The following CDH12 variants were observed in gnomAD, a reference collection of about 807,000 sequenced individuals.
CDH12 encodes the protein cadherin-12.
A neutral mutation model predicts 74.1 loss-of-function variants in CDH12; 41 were observed. The observed-to-expected ratio is 0.55, with a 90% CI of 0.43 to 0.72. The LOEUF (loss-of-function observed/expected upper bound fraction) is 0.72. Among genes scored for constraint, CDH12 ranks in the 30% least tolerant of loss-of-function variants. The pLI is 0.00. For synonymous variants in CDH12, 399 were observed against 355.0 expected (o/e 1.12, Z -1.39); for missense variants, 945 against 977.2 (o/e 0.97, Z 0.44).
intron 5 of CDH12, among the ~76,000 whole-genome samples, chr5:22,043,999 A>G (rs1050414462): frequency 3.9e-5 from 6 of 152,154 alleles, no homozygotes; most frequent in African/African-American, 1.4e-4. Context: ...TATTGTTAAA[A>G]TATCTACACT....
chr5:22,252,821 C>T (rs927428513), intron 3 of CDH12, among the ~76,000 whole-genome samples: 32 of 151,924 alleles, frequency 2.1e-4, no homozygotes, highest in African/African-American at 7.0e-4. Context: ...CTTCTATGTC[C>T]AGGAATTTTT....
At chr5:21,914,363 C>G (rs1753995223) in intron 6 of CDH12, among the ~76,000 whole-genome samples, 1 of 152,114 alleles carries the variant, frequency 6.6e-6, no homozygotes, top group Non-Finnish European at 1.5e-5. Context: ...AACTGAGGAG[C>G]AGGCAACAAT....
intron 2 of CDH12, among the ~76,000 whole-genome samples, chr5:22,447,882 C>T (rs1269420735): frequency 1.3e-5 from 2 of 150,306 alleles, no homozygotes; most frequent in African/African-American, 2.4e-5. Flanking sequence ...TGGCTCATGC[C>T]TGTAATACCA....
At chr5:22,666,675 C>T (rs941900478) in intron 1 of CDH12, among the ~76,000 whole-genome samples, 1 of 152,094 alleles carries the variant, frequency 6.6e-6, no homozygotes. Context: ...TTGGTTCTTT[C>T]TTAATTGATT....
chr5:22,457,166 G>A (rs1188334300), intron 2 of CDH12, among the ~76,000 whole-genome samples: 1 of 152,020 alleles, frequency 6.6e-6, no homozygotes, highest in Non-Finnish European at 1.5e-5. Flanking sequence ...ATAATTGCCA[G>A]GGGAAACATT....
At position 22,099,025 on chromosome 5, in the gene CDH12, A is replaced by G. The variant is rs570950493; in HGVS notation, c.-186-20163T>C. 2.0e-5 allele frequency among the ~76,000 whole-genome samples: 3 copies of G among 151,974 alleles called. No homozygotes were observed. In the East Asian group the frequency reaches 5.8e-4, roughly 30 times the overall value. ...TTCAGGCCCCCTCCCTTCCCTACACATCAAGCTAAGGGATTTGCCCCCACC... is the reference window on the plus strand; with the variant it reads ...TTCAGGCCCCCTCCCTTCCCTACACGTCAAGCTAAGGGATTTGCCCCCACC... On this transcript the variant is annotated intron_variant, in intron 4 of 14. Coordinates refer to ENST00000382254, the MANE Select transcript of CDH12 (RefSeq NM_004061.5).
intron 1 of CDH12, among the ~76,000 whole-genome samples, chr5:22,623,545 G>T (rs1175356811): frequency 6.6e-6 from 1 of 152,090 alleles, no homozygotes; most frequent in Non-Finnish European, 1.5e-5. Flanking sequence ...GCCAAATCAT[G>T]AGTGAACTCC....
chr5:22,682,800 G>GA (rs922244393), intron 1 of CDH12, among the ~76,000 whole-genome samples: 10 of 148,188 alleles, frequency 6.7e-5, no homozygotes, highest in Admixed American at 2.0e-4. Context: ...CCTCCCCTCA[G>GA]AAAAAAAAAG....
At chr5:22,441,909 G>C (rs1744639848) in intron 2 of CDH12, among the ~76,000 whole-genome samples, 1 of 151,976 alleles carries the variant, frequency 6.6e-6, no homozygotes, top group Non-Finnish European at 1.5e-5. Context: ...TCACCATGTT[G>C]ACCAGGTTGT....
At chr5:21,972,132 T>G (rs1756878927) in intron 6 of CDH12, among the ~76,000 whole-genome samples, 1 of 152,188 alleles carries the variant, frequency 6.6e-6, no homozygotes, top group South Asian at 2.1e-4. Flanking sequence ...TTTGTTCATA[T>G]TTCTGGATAT....
chr5:22,841,311 G>T (rs1283854540), intron 1 of CDH12, among the ~76,000 whole-genome samples: 1 of 152,134 alleles, frequency 6.6e-6, no homozygotes, highest in Non-Finnish European at 1.5e-5. Context: ...ACATAAAAGG[G>T]CTTGATTGAG....
At chr5:22,842,078 T>A (rs1451899317) in intron 1 of CDH12, among the ~76,000 whole-genome samples, 1 of 152,160 alleles carries the variant, frequency 6.6e-6, no homozygotes, top group Admixed American at 6.6e-5. Flanking sequence ...CAGGTTATAT[T>A]TGAAAACTTT....
intron 2 of CDH12, among the ~76,000 whole-genome samples, chr5:22,477,036 C>G (rs1052586805): frequency 2.6e-5 from 4 of 152,112 alleles, no homozygotes; most frequent in African/African-American, 9.7e-5. Context: ...GCTTTATCCA[C>G]GTATCTCAAC....
chr5:21,823,580 T>C (rs1748488454), intron 8 of CDH12, among the ~76,000 whole-genome samples: 1 of 152,110 alleles, frequency 6.6e-6, no homozygotes, highest in Non-Finnish European at 1.5e-5. Flanking sequence ...TAAATTATGA[T>C]CATTAACTTT....
At chr5:22,489,563 C>T (rs1417837816) in intron 2 of CDH12, among the ~76,000 whole-genome samples, 2 of 152,084 alleles carry the variant, frequency 1.3e-5, no homozygotes, top group Admixed American at 1.3e-4. Context: ...AAAATAATCT[C>T]AAGGAGTTTA....
intron 2 of CDH12, among the ~76,000 whole-genome samples, chr5:22,498,195 T>C (rs1189159991): frequency 6.6e-6 from 1 of 152,182 alleles, no homozygotes; most frequent in Non-Finnish European, 1.5e-5. Context: ...TCCCCTTCTC[T>C]GTACAACACA....
At chr5:22,205,173 C>G (rs1047971352) in intron 4 of CDH12, among the ~76,000 whole-genome samples, 12 of 152,194 alleles carry the variant, frequency 7.9e-5, no homozygotes, top group African/African-American at 2.9e-4. Flanking sequence ...TGCCTCAATT[C>G]TGATACAACA....
At chr5:22,093,281 T>G (rs2150240594) in intron 4 of CDH12, among the ~76,000 whole-genome samples, 1 of 152,314 alleles carries the variant, frequency 6.6e-6, no homozygotes, top group Non-Finnish European at 1.5e-5. Context: ...GGACTATTTT[T>G]AAAACAATTG....
At chr5:22,747,964 A>G (rs554739510) in intron 1 of CDH12, among the ~76,000 whole-genome samples, 3 of 152,232 alleles carry the variant, frequency 2.0e-5, no homozygotes, top group African/African-American at 7.2e-5. Flanking sequence ...AGTAGAGAAG[A>G]ATTGGTTCCC....
Sources: allele counts gnomAD v4.1 joint callset (sites outside exome capture counted in the v4.1 genomes callset), GRCh38; gene constraint gnomAD v4.1.1; transcripts MANE v1.5; gene names NCBI Gene and HGNC (gene_info 2026-07-23, HGNC 2026-07-21).